AUTS2: variants seen among roughly 807,000 people sequenced by gnomAD.
AUTS2 encodes autism susceptibility gene 2 protein.
In AUTS2, 17 loss-of-function variants were observed where a neutral mutation model predicts 112.4. That is an observed-to-expected ratio of 0.15 (90% confidence interval 0.10 to 0.23). The LOEUF (loss-of-function observed/expected upper bound fraction) is 0.23, where lower values mean the gene tolerates loss of function less well. Ranked by LOEUF, AUTS2 falls within the 10% of genes least tolerant of loss-of-function variation. The probability of loss-of-function intolerance (pLI) is 1.00; values close to 1 mark genes in which losing one functional copy is unlikely to be tolerated. For synonymous variants in AUTS2, 751 were observed against 702.7 expected, an observed-to-expected ratio of 1.07 and a Z score of -1.09; for missense variants, 1,510 against 1,701.6, an observed-to-expected ratio of 0.89 and a Z score of 1.98.
At chr7:70,008,724 T>C (rs2129553937) in intron 2 of AUTS2, among the ~76,000 whole-genome samples, 1 of 152,320 alleles carries the variant, frequency 6.6e-6, no homozygotes, top group East Asian at 1.9e-4. Flanking sequence ...ATTTGGAGAT[T>C]TCTGAAAATT....
intron 1 of AUTS2, among the ~76,000 whole-genome samples, chr7:69,614,703 A>G (rs892885023): frequency 6.6e-6 from 1 of 151,932 alleles, no homozygotes; most frequent in African/African-American, 2.4e-5. Context: ...AGGCTGATCT[A>G]GAACTCCTGG....
intron 1 of AUTS2, among the ~76,000 whole-genome samples, chr7:69,624,093 C>T (rs1289043019): frequency 6.6e-6 from 1 of 152,072 alleles, no homozygotes; most frequent in African/African-American, 2.4e-5. Flanking sequence ...AGCCTTAAGC[C>T]AGTTCTTGAC....
intron 6 of AUTS2, among the ~76,000 whole-genome samples, chr7:70,738,418 GT>G (rs10683693): frequency 6.2e-4 from 88 of 142,850 alleles, no homozygotes; most frequent in African/African-American, 1.1e-3. Context: ...CAAGTTTTTT[GT>G]TTTTTTTTTT....
chr7:70,478,314 TAG>T (rs1156573716), intron 5 of AUTS2, among the ~76,000 whole-genome samples: 2 of 152,174 alleles, frequency 1.3e-5, no homozygotes, highest in Non-Finnish European at 1.5e-5. Context: ...ATCCTTCTAA[TAG>T]AGTCTTCATT....
chr7:70,035,712 C>T (rs1428506024), intron 2 of AUTS2, among the ~76,000 whole-genome samples: 1 of 152,116 alleles, frequency 6.6e-6, no homozygotes, highest in African/African-American at 2.4e-5. Context: ...CTTTATTCTT[C>T]CCGGTTCCAA....
intron 1 of AUTS2, among the ~76,000 whole-genome samples, chr7:69,601,285 T>C (rs1291316176): frequency 1.3e-5 from 2 of 151,926 alleles, no homozygotes; most frequent in African/African-American, 4.8e-5. Flanking sequence ...AAGGAAACTT[T>C]TCCCTTTCCA....
intron 2 of AUTS2, among the ~76,000 whole-genome samples, chr7:70,072,869 A>G (rs1295816826): frequency 6.6e-6 from 1 of 152,194 alleles, no homozygotes; most frequent in Non-Finnish European, 1.5e-5. Flanking sequence ...AAAGAAGAGT[A>G]AGTTCTAATC....
intron 5 of AUTS2, among the ~76,000 whole-genome samples, chr7:70,491,419 TACAC>T (rs141971563): frequency 4.3e-4 from 61 of 140,262 alleles, no homozygotes; most frequent in East Asian, 1.2e-3. Flanking sequence ...CGTGTGTGTA[TACAC>T]ACACACACAC....
At chr7:69,687,918 G>A (rs1797135440) in intron 1 of AUTS2, among the ~76,000 whole-genome samples, 1 of 152,134 alleles carries the variant, frequency 6.6e-6, no homozygotes, top group Admixed American at 6.5e-5. Flanking sequence ...AGAGGATTAA[G>A]CCATATAATG....
chr7:69,718,596 C>T (rs1269828367), intron 1 of AUTS2, among the ~76,000 whole-genome samples: 1 of 152,170 alleles, frequency 6.6e-6, no homozygotes, highest in Non-Finnish European at 1.5e-5. Context: ...TTACATTGGG[C>T]CCACCCTGAC....
At chr7:69,906,763 G>T (rs149098142) in intron 2 of AUTS2, among the ~76,000 whole-genome samples, 1 of 152,144 alleles carries the variant, frequency 6.6e-6, no homozygotes, top group East Asian at 1.9e-4. Context: ...ATTCAGTTAT[G>T]TATATACATA....
intron 5 of AUTS2, among the ~76,000 whole-genome samples, chr7:70,541,338 G>A (rs116055094): frequency 6.6e-6 from 1 of 152,232 alleles, no homozygotes; most frequent in African/African-American, 2.4e-5. Flanking sequence ...TAGTGAAATT[G>A]GCTGTTTCGA....
rs1427875852 is a variant in AUTS2, at chr7:70,303,434, G to GCACACACACACACACACACACA, written c.661-132314_661-132313insCACACACACACACACACACACA. Among the ~76,000 whole-genome samples, 12 of 142,050 alleles carry GCACACACACACACACACACACA rather than the reference G, an allele frequency of 8.4e-5. No homozygotes were observed. In the East Asian group the frequency reaches 8.5e-4, roughly 10 times the overall value. 93.2% of individuals were successfully genotyped at this position (142,050 alleles called of 152,430 possible). ...CACGCACACACACACGCGCGCGCGC[G>GCACACACACACACACACACACA]CACATACACACACACACACACACAC... On this transcript the variant is annotated intron_variant, in intron 4 of 18. Transcript: ENST00000342771.
At chr7:69,993,292 C>T (rs907786322) in intron 2 of AUTS2, among the ~76,000 whole-genome samples, 28 of 152,252 alleles carry the variant, frequency 1.8e-4, no homozygotes, top group African/African-American at 6.0e-4. Context: ...TATAGTCATC[C>T]CACTATACCC....
intron 4 of AUTS2, among the ~76,000 whole-genome samples, chr7:70,340,739 A>T (rs952834084): frequency 2.6e-5 from 4 of 152,376 alleles, no homozygotes; most frequent in Non-Finnish European, 5.9e-5. Context: ...ATACAAAGAG[A>T]ATCTCTAGTA....
At chr7:70,675,945 A>ATGGGGACC (rs1389549560) in intron 5 of AUTS2, among the ~76,000 whole-genome samples, 1 of 152,152 alleles carries the variant, frequency 6.6e-6, no homozygotes, top group Non-Finnish European at 1.5e-5. Flanking sequence ...AGGAAAGAAG[A>ATGGGGACC]TGGGGACCGC....
intron 4 of AUTS2, among the ~76,000 whole-genome samples, chr7:70,170,679 C>T (rs35498300): frequency 4.5e-4 from 68 of 150,482 alleles, no homozygotes; most frequent in Non-Finnish European, 8.0e-4. Flanking sequence ...TCACTGCAAC[C>T]TCACTGCAAC....
chr7:70,431,201 G>A (rs574519828), intron 4 of AUTS2, among the ~76,000 whole-genome samples: 3 of 152,096 alleles, frequency 2.0e-5, no homozygotes, highest in African/African-American at 7.2e-5. Context: ...AATATTTGAC[G>A]TGTTATGTGA....
intron 4 of AUTS2, among the ~76,000 whole-genome samples, chr7:70,356,190 T>G (rs967378977): frequency 6.6e-6 from 1 of 152,166 alleles, no homozygotes; most frequent in African/African-American, 2.4e-5. Flanking sequence ...AGGTGGAATT[T>G]TCTAGATTTC....
Sources: gnomAD v4.1 joint callset for allele counts (sites outside exome capture counted in the v4.1 genomes callset) on GRCh38, gnomAD v4.1.1 for gene constraint, MANE v1.5 for transcripts, NCBI Gene and HGNC (gene_info 2026-07-23, HGNC 2026-07-21) for gene names.